The following LMF1 variants were observed in gnomAD, a reference collection of about 807,000 sequenced individuals.
The protein encoded by LMF1 is lipase maturation factor 1.
Under a neutral mutation model 60.6 loss-of-function variants are expected in LMF1, and 68 were observed. The observed-to-expected ratio is 1.12, with a 90% CI of 0.92 to 1.37. The LOEUF (loss-of-function observed/expected upper bound fraction) is 1.37. LMF1 is among the 40% of genes most tolerant of loss of function. LMF1 has a pLI of 0.00. For synonymous variants in LMF1, 418 were observed against 324.7 expected (o/e 1.29, Z -3.09); for missense variants, 948 against 767.2 (o/e 1.24, Z -2.78).
At chr16:976,766 C>T in intron 1 of LMF1, 1 of 454,178 alleles carries the variant, frequency 2.2e-6, no homozygotes, top group Non-Finnish European at 4.4e-6. Flanking sequence ...CATCCGTGAT[C>T]TGGGCGTGCA....
intron 3 of LMF1, among the ~76,000 whole-genome samples, chr16:924,629 G>C (rs2071543473): frequency 6.6e-6 from 1 of 152,086 alleles, no homozygotes; most frequent in Non-Finnish European, 1.5e-5. Flanking sequence ...CAGATGACAG[G>C]GTAGGGCAGG....
chr16:886,343 T>C (rs1352385591), intron 5 of LMF1, among the ~76,000 whole-genome samples: 1 of 152,090 alleles, frequency 6.6e-6, no homozygotes, highest in African/African-American at 2.4e-5. Flanking sequence ...CCACGGCTTG[T>C]CCCTGGCAAG....
chr16:860,251 T>A (rs1183186385), intron 10 of LMF1, among the ~76,000 whole-genome samples: 2 of 152,190 alleles, frequency 1.3e-5, no homozygotes, highest in African/African-American at 4.8e-5. Context: ...TTTAATGAAT[T>A]TCAATTAATT....
chr16:856,126 C>T (rs531203561), intron 10 of LMF1: 9 of 371,938 alleles, frequency 2.4e-5, no homozygotes, highest in Admixed American at 2.1e-4. Context: ...CCCGGGCAGC[C>T]AAGACTGAGG....
At chr16:946,119 C>T (rs771402489) in intron 2 of LMF1, among the ~76,000 whole-genome samples, 6 of 152,208 alleles carry the variant, frequency 3.9e-5, no homozygotes, top group Non-Finnish European at 8.8e-5. Flanking sequence ...AGTCTCGGAG[C>T]TGGCTTCAGC....
chr16:926,026 C>A (rs1410814094), intron 3 of LMF1, among the ~76,000 whole-genome samples: 2 of 150,578 alleles, frequency 1.3e-5, no homozygotes, highest in Admixed American at 1.3e-4. Flanking sequence ...TGCATATGGT[C>A]TGCATACCTG....
intron 2 of LMF1, among the ~76,000 whole-genome samples, chr16:952,045 C>T (rs953109864): frequency 5.3e-5 from 8 of 152,168 alleles, no homozygotes; most frequent in Admixed American, 1.3e-4. Context: ...AGCTCATGGG[C>T]GCCTCGGCAA....
At chr16:947,567 C>T in intron 2 of LMF1, 1 of 456,070 alleles carries the variant, frequency 2.2e-6, no homozygotes, top group Non-Finnish European at 4.4e-6. Context: ...GAAGGAAGCT[C>T]CAAGGGCAGC....
chr16:934,144 G>A (rs763196680), intron 3 of LMF1, 100 bp downstream of exon 3: 5 of 1,589,968 alleles, frequency 3.1e-6, no homozygotes, highest in Admixed American at 3.4e-5. Flanking sequence ...TGATGGCAGA[G>A]GCTAAGGAAG....
At chr16:954,718 G>C in intron 1 of LMF1, 52 bp from the exon 2 acceptor site, 2 of 1,507,490 alleles carry the variant, frequency 1.3e-6, no homozygotes, top group Non-Finnish European at 1.8e-6. Context: ...ACCACATGTG[G>C]ACACCATGGG....
chr16:950,010 GAGCCAACGACAGAGTC>G (rs1457453087), intron 2 of LMF1, among the ~76,000 whole-genome samples: 3 of 144,554 alleles, frequency 2.1e-5, no homozygotes, highest in Non-Finnish European at 4.5e-5. Flanking sequence ...GACAGAGTCA[GAGCCAACGACAGAGTC>G]AGCCAACGAC....
chr16:948,032 C>A (rs74206697), intron 2 of LMF1, among the ~76,000 whole-genome samples: 1 of 114,070 alleles, frequency 8.8e-6, no homozygotes, highest in African/African-American at 3.4e-5. Flanking sequence ...TCAGAGACAA[C>A]GACAGAGTCA....
chr16:910,329 A>G (rs2071075337), intron 4 of LMF1, among the ~76,000 whole-genome samples: 1 of 152,134 alleles, frequency 6.6e-6, no homozygotes, highest in Non-Finnish European at 1.5e-5. Flanking sequence ...ACCAGGGCCC[A>G]GGAGGGAACC....
At chr16:923,107 G>A (rs1216332007) in intron 3 of LMF1, among the ~76,000 whole-genome samples, 1 of 151,620 alleles carries the variant, frequency 6.6e-6, no homozygotes, top group Non-Finnish European at 1.5e-5. Flanking sequence ...TGTGAAAGTC[G>A]CCTGGGTTTT....
At position 931,777 on chromosome 16, in the gene LMF1, A is replaced by G. The variant is rs1156863965; in HGVS notation, c.514+2467T>C. On this transcript the variant is annotated intron_variant, in intron 3 of 10. Coordinates refer to ENST00000262301, the MANE Select transcript of LMF1 (RefSeq NM_022773.4). ...TCTGAATTTCTGCGCGACAGTCCAAAGTGACGTGCTGAGCCGCTGCAGGGT... is the reference window on the plus strand; with the variant it reads ...TCTGAATTTCTGCGCGACAGTCCAAGGTGACGTGCTGAGCCGCTGCAGGGT... The G allele has an allele frequency of 7.0e-6, 9 of 1,287,016 alleles. No homozygotes were observed. In the African/African-American group the frequency reaches 1.2e-4, roughly 17 times the overall value. The allele number at this position is 1,287,016 out of a possible 1,614,324, so 79.7% of individuals were successfully genotyped here.
intron 1 of LMF1, among the ~76,000 whole-genome samples, chr16:958,283 A>C (rs2151483098): frequency 6.6e-6 from 1 of 152,354 alleles, no homozygotes; most frequent in South Asian, 2.1e-4. Flanking sequence ...TGCAAAAGCT[A>C]CTTTTAACAG....
chr16:923,699 T>C (rs2071508168), intron 3 of LMF1, among the ~76,000 whole-genome samples: 1 of 152,138 alleles, frequency 6.6e-6, no homozygotes, highest in Non-Finnish European at 1.5e-5. Context: ...CATCTTAGGA[T>C]CCCTGGAATG....
At chr16:877,136 G>T (rs2070014860) in intron 6 of LMF1, among the ~76,000 whole-genome samples, 1 of 152,154 alleles carries the variant, frequency 6.6e-6, no homozygotes, top group Non-Finnish European at 1.5e-5. Context: ...TTCAAAACCA[G>T]ACTGGGCAAC....
At chr16:970,682 G>A in intron 1 of LMF1, 106 bp downstream of exon 1, 1 of 1,061,498 alleles carries the variant, frequency 9.4e-7, no homozygotes, top group Non-Finnish European at 1.3e-6. Flanking sequence ...GGGCTGCGTG[G>A]GGGCGCCGCG....
Sources: gnomAD v4.1 joint callset for allele counts (sites outside exome capture counted in the v4.1 genomes callset) on GRCh38, gnomAD v4.1.1 for gene constraint, MANE v1.5 for transcripts, NCBI Gene and HGNC (gene_info 2026-07-23, HGNC 2026-07-21) for gene names.